ROBO1: variants seen among roughly 807,000 people sequenced by gnomAD.
ROBO1 encodes the protein roundabout guidance receptor 1.
Under a neutral mutation model 195.9 loss-of-function variants are expected in ROBO1, and 149 were observed. The observed-to-expected ratio is 0.76, with a 90% CI of 0.67 to 0.87. The LOEUF is 0.87. Among genes scored for constraint, ROBO1 ranks in the 40% least tolerant of loss-of-function variants. ROBO1 has a pLI of 0.00. For missense variants in ROBO1, 1,933 were observed against 2,068.3 expected (o/e 0.93, Z 1.27); for synonymous variants, 816 against 733.2 (o/e 1.11, Z -1.82).
At chr3:78,731,544 C>A (rs2082286316) in intron 5 of ROBO1, among the ~76,000 whole-genome samples, 2 of 152,030 alleles carry the variant, frequency 1.3e-5, no homozygotes, top group African/African-American at 4.8e-5. Flanking sequence ...AAAAACACAG[C>A]ACTTACATAG....
At chr3:78,710,269 T>C (rs2081650265) in intron 8 of ROBO1, among the ~76,000 whole-genome samples, 2 of 152,100 alleles carry the variant, frequency 1.3e-5, no homozygotes, top group African/African-American at 4.8e-5. Context: ...GATGGAGCCA[T>C]GAACTCCTGG....
At chr3:78,631,029 A>G (rs1705147177) in intron 25 of ROBO1, 132 bp downstream of exon 25, 5 of 973,532 alleles carry the variant, frequency 5.1e-6, no homozygotes, top group Admixed American at 2.8e-5. Flanking sequence ...GACCAGCACT[A>G]TTTTATTTAA....
intron 4 of ROBO1, among the ~76,000 whole-genome samples, chr3:78,851,489 G>A (rs767211488): frequency 2.6e-4 from 40 of 152,140 alleles, no homozygotes; most frequent in Non-Finnish European, 5.0e-4. Flanking sequence ...CAGAGTAGCT[G>A]TGGATATTAT....
chr3:78,941,153 T>C (rs2040114861), intron 3 of ROBO1, among the ~76,000 whole-genome samples: 1 of 152,174 alleles, frequency 6.6e-6, no homozygotes, highest in Non-Finnish European at 1.5e-5. Flanking sequence ...GAAACAAAAA[T>C]TATAATTTGA....
At chr3:79,154,309 T>C (rs2080822297) in intron 2 of ROBO1, among the ~76,000 whole-genome samples, 1 of 151,802 alleles carries the variant, frequency 6.6e-6, no homozygotes, top group Non-Finnish European at 1.5e-5. Context: ...TCATGTTCAC[T>C]TGAGGCCATG....
chr3:79,402,738 A>G (rs1421797014), intron 2 of ROBO1, among the ~76,000 whole-genome samples: 1 of 151,984 alleles, frequency 6.6e-6, no homozygotes, highest in Non-Finnish European at 1.5e-5. Flanking sequence ...GCCTACTCTT[A>G]TAGTCTTCAT....
intron 2 of ROBO1, among the ~76,000 whole-genome samples, chr3:79,388,753 T>C (rs2106686384): frequency 6.6e-6 from 1 of 152,180 alleles, no homozygotes. Flanking sequence ...AGAAACTATA[T>C]TGTGTGGAAT....
At chr3:79,139,936 T>C (rs2080489689) in intron 2 of ROBO1, among the ~76,000 whole-genome samples, 1 of 152,144 alleles carries the variant, frequency 6.6e-6, no homozygotes, top group African/African-American at 2.4e-5. Context: ...CCTTATAGTA[T>C]GAACAAATAC....
chr3:78,968,289 T>C (rs1375008947), intron 3 of ROBO1, among the ~76,000 whole-genome samples: 4 of 150,792 alleles, frequency 2.7e-5, no homozygotes, highest in Non-Finnish European at 5.9e-5. Flanking sequence ...TTTTTTTTTT[T>C]TTTAAGGCAG....
chr3:78,959,016 G>A (rs1576469220), intron 3 of ROBO1, among the ~76,000 whole-genome samples: 1 of 151,650 alleles, frequency 6.6e-6, no homozygotes, highest in East Asian at 1.9e-4. Flanking sequence ...GTTGCCAGGT[G>A]GGTCTCCAAC....
chr3:78,753,548 G>A (rs1184930873), intron 4 of ROBO1, among the ~76,000 whole-genome samples: 1 of 152,088 alleles, frequency 6.6e-6, no homozygotes, highest in African/African-American at 2.4e-5. Flanking sequence ...TAAGTTCTGG[G>A]ATACAAGTGG....
chr3:79,285,406 A>G (rs1459843028), intron 2 of ROBO1, among the ~76,000 whole-genome samples: 4 of 152,204 alleles, frequency 2.6e-5, no homozygotes, highest in African/African-American at 9.6e-5. Flanking sequence ...TAAAGTTATA[A>G]ACATAGAATA....
intron 4 of ROBO1, among the ~76,000 whole-genome samples, chr3:78,925,432 T>A (rs1576410272): frequency 6.6e-6 from 1 of 152,316 alleles, no homozygotes; most frequent in Non-Finnish European, 1.5e-5. Context: ...AAAAAAATTA[T>A]TTGTTTCCAA....
intron 2 of ROBO1, among the ~76,000 whole-genome samples, chr3:79,215,886 T>C (rs1445636018): frequency 1.3e-5 from 2 of 152,160 alleles, no homozygotes; most frequent in African/African-American, 4.8e-5. Context: ...ATAAGAACAT[T>C]ACATTAAATA....
chr3:78,916,570 A>AAAG (rs1158378962), intron 4 of ROBO1, among the ~76,000 whole-genome samples: 7 of 151,890 alleles, frequency 4.6e-5, no homozygotes, highest in African/African-American at 1.7e-4. Flanking sequence ...AAAAAAAAAA[A>AAAG]AAAGAAAAAA....
chr3:79,000,861 G>A (rs1251912182), intron 3 of ROBO1, among the ~76,000 whole-genome samples: 1 of 152,034 alleles, frequency 6.6e-6, no homozygotes, highest in African/African-American at 2.4e-5. Flanking sequence ...GCAAATACTT[G>A]GAACTAACCC....
intron 2 of ROBO1, among the ~76,000 whole-genome samples, chr3:79,294,590 T>C (rs1476257355): frequency 5.3e-5 from 8 of 152,146 alleles, no homozygotes; most frequent in Admixed American, 1.3e-4. Context: ...AAAGCCAAAA[T>C]TGACAAATGG....
intron 2 of ROBO1, among the ~76,000 whole-genome samples, chr3:79,436,311 T>C (rs182777827): frequency 6.6e-6 from 1 of 152,164 alleles, no homozygotes; most frequent in Admixed American, 6.6e-5. Context: ...CAAAACCTTT[T>C]ATTTTTAGCC....
intron 4 of ROBO1, among the ~76,000 whole-genome samples, chr3:78,781,430 A>T (rs1302343212): frequency 2.6e-5 from 4 of 152,192 alleles, no homozygotes; most frequent in Non-Finnish European, 4.4e-5. Flanking sequence ...AGAAAAGTGA[A>T]GCAGTGGGTG....
Sources: gnomAD v4.1 joint callset for allele counts (sites outside exome capture counted in the v4.1 genomes callset) on GRCh38, gnomAD v4.1.1 for gene constraint, MANE v1.5 for transcripts, NCBI Gene and HGNC (gene_info 2026-07-23, HGNC 2026-07-21) for gene names.